The following VWA8 variants were observed in gnomAD, a reference collection of about 807,000 sequenced individuals.
VWA8 encodes von Willebrand factor A domain containing 8.
A neutral mutation model predicts 241.5 loss-of-function variants in VWA8; 221 were observed. The observed-to-expected ratio is 0.91, with a 90% CI of 0.82 to 1.02. VWA8 has a LOEUF of 1.02. VWA8 is among the 50% of genes least tolerant of loss of function. VWA8 has a pLI of 0.00. For missense variants in VWA8, 2,322 were observed against 2,328.7 expected (o/e 1.00, Z 0.06); for synonymous variants, 852 against 827.1 (o/e 1.03, Z -0.52).
intron 35 of VWA8, among the ~76,000 whole-genome samples, chr13:41,681,221 A>T (rs2045096072): frequency 6.6e-6 from 1 of 152,156 alleles, no homozygotes; most frequent in Non-Finnish European, 1.5e-5. Context: ...TTTTCCATCC[A>T]CTGACCCCCA....
At chr13:41,954,834 C>T (rs1436529157) in intron 1 of VWA8, among the ~76,000 whole-genome samples, 2 of 152,112 alleles carry the variant, frequency 1.3e-5, no homozygotes, top group African/African-American at 4.8e-5. Context: ...GAAATGTCAT[C>T]GTTTGCAACT....
Position 41,923,464 on chromosome 13 carries a change from C to T in VWA8, c.242-11296G>A, listed in dbSNP as rs571067671. On this transcript the variant is annotated intron_variant, in intron 2 of 44. Transcript: ENST00000379310. ...AAAAAAAGTGCTTCAGAGAAACAGA[C>T]CTCAGCTTTGTGGGAGAAATGTATC... is the stretch of plus-strand genomic sequence containing the variant. Among the ~76,000 whole-genome samples, 7 of 152,168 alleles carry T rather than the reference C, an allele frequency of 4.6e-5. No homozygotes were observed. The South Asian group carries it at 1.5e-3, about 32-fold the overall frequency.
intron 9 of VWA8, among the ~76,000 whole-genome samples, chr13:41,881,769 G>A (rs558623026): frequency 6.8e-6 from 1 of 147,578 alleles, no homozygotes; most frequent in South Asian, 2.2e-4. Context: ...CGACTGGCTG[G>A]GCAGAGGAGC....
At chr13:41,866,178 T>C (rs1873292814) in intron 10 of VWA8, 142 bp from the exon 11 acceptor site, 6 of 1,076,702 alleles carry the variant, frequency 5.6e-6, no homozygotes, top group Non-Finnish European at 7.8e-6. Flanking sequence ...TGAAACCCCA[T>C]CTCTACAAAA....
intron 28 of VWA8, 56 bp downstream of exon 28, chr13:41,701,336 C>T (rs142071767): frequency 0.014 from 21,048 of 1,474,346 alleles, 196 homozygotes; most frequent in Non-Finnish European, 0.016. Flanking sequence ...TATTTTAATC[C>T]ATCTTTTAAA....
Position 41,785,195 on chromosome 13 carries a change from T to A in VWA8, c.2171-1294A>T, listed in dbSNP as rs150501256. On this transcript the variant is annotated intron_variant, in intron 18 of 44. Coordinates refer to ENST00000379310, the MANE Select transcript of VWA8 (RefSeq NM_015058.2). ...ACCTTCTATGTGCCAGATCCCAAGC[T>A]AAAGCTTCACCTCATTTTTTTCTCA... Among the ~76,000 whole-genome samples, 20 of 152,222 alleles carry A rather than the reference T, an allele frequency of 1.3e-4. No individual in the cohort carries two copies. The East Asian group carries it at 3.7e-3, about 28-fold the overall frequency.
intron 43 of VWA8, among the ~76,000 whole-genome samples, chr13:41,574,603 C>T (rs1035813032): frequency 6.6e-6 from 1 of 151,996 alleles, no homozygotes; most frequent in African/African-American, 2.4e-5. Context: ...AAAAAAGAGC[C>T]CAGATAGCCA....
chr13:41,837,312 T>C (rs9566861), intron 12 of VWA8, among the ~76,000 whole-genome samples: 13,368 of 152,218 alleles, frequency 0.088, 713 homozygotes, highest in African/African-American at 0.15. Flanking sequence ...TAACAACTTC[T>C]ATTGAAAGAC....
intron 21 of VWA8, among the ~76,000 whole-genome samples, chr13:41,753,132 T>C (rs2045668509): frequency 6.6e-6 from 1 of 152,130 alleles, no homozygotes; most frequent in South Asian, 2.1e-4. Flanking sequence ...CTGGAGTAAA[T>C]TGAGAATATC....
chr13:41,945,817 GGAGA>G (rs1355249915), intron 2 of VWA8, among the ~76,000 whole-genome samples: 1 of 151,838 alleles, frequency 6.6e-6, no homozygotes, highest in African/African-American at 2.4e-5. Flanking sequence ...AGTCCTCGAA[GGAGA>G]GAGAAAAAAG....
intron 37 of VWA8, among the ~76,000 whole-genome samples, chr13:41,644,597 G>A (rs991953243): frequency 4.6e-5 from 7 of 152,222 alleles, no homozygotes; most frequent in Non-Finnish European, 1.0e-4. Flanking sequence ...GTGAGTGAGT[G>A]CAGGTGTGTT....
At chr13:41,612,519 G>A (rs962201202) in intron 38 of VWA8, among the ~76,000 whole-genome samples, 1 of 152,124 alleles carries the variant, frequency 6.6e-6, no homozygotes, top group Admixed American at 6.5e-5. Context: ...AAAAAGTGGT[G>A]GGGACATTGG....
At chr13:41,793,842 G>T (rs984661246) in intron 17 of VWA8, among the ~76,000 whole-genome samples, 3 of 152,062 alleles carry the variant, frequency 2.0e-5, no homozygotes, top group Non-Finnish European at 4.4e-5. Flanking sequence ...AAATTGAAAA[G>T]AATATTTGCT....
chr13:41,625,259 C>T (rs938823389), intron 37 of VWA8, among the ~76,000 whole-genome samples: 5 of 152,092 alleles, frequency 3.3e-5, no homozygotes, highest in Non-Finnish European at 7.4e-5. Context: ...AGAGCTTCTG[C>T]ACAGCAAGAG....
At chr13:41,857,414 AC>A (rs1222937271) in intron 12 of VWA8, among the ~76,000 whole-genome samples, 1 of 152,190 alleles carries the variant, frequency 6.6e-6, no homozygotes, top group Non-Finnish European at 1.5e-5. Context: ...CCAATAAAGT[AC>A]ACTTGTGAAG....
intron 42 of VWA8, among the ~76,000 whole-genome samples, chr13:41,576,617 C>A (rs1313946142): frequency 6.6e-6 from 1 of 152,160 alleles, no homozygotes; most frequent in Non-Finnish European, 1.5e-5. Flanking sequence ...AGAGATGTGG[C>A]TAGGGGTGAA....
chr13:41,617,574 T>A (rs1367632023), intron 37 of VWA8, among the ~76,000 whole-genome samples: 1 of 152,210 alleles, frequency 6.6e-6, no homozygotes, highest in Non-Finnish European at 1.5e-5. Flanking sequence ...CATGCCATGT[T>A]GGTTTGCTGC....
chr13:41,749,546 A>G (rs1188751603), intron 21 of VWA8, among the ~76,000 whole-genome samples: 1 of 151,312 alleles, frequency 6.6e-6, no homozygotes, highest in Non-Finnish European at 1.5e-5. Context: ...TTATAAAGAC[A>G]CATGCACACG....
At chr13:41,926,065 TG>T (rs750573637) in intron 2 of VWA8, 12 of 470,080 alleles carry the variant, frequency 2.6e-5, no homozygotes, top group Non-Finnish European at 4.8e-5. Flanking sequence ...TTGCAAGTCA[TG>T]GTGAATCCCA....
Sources: allele counts gnomAD v4.1 joint callset (sites outside exome capture counted in the v4.1 genomes callset), GRCh38; gene constraint gnomAD v4.1.1; transcripts MANE v1.5; gene names NCBI Gene and HGNC (gene_info 2026-07-23, HGNC 2026-07-21).